Variants in BRMS1L observed in about 807,000 individuals in gnomAD.
BRMS1L encodes breast cancer metastasis-suppressor 1-like protein.
BRMS1L carries 23 observed loss-of-function variants against 50.3 expected under a neutral mutation model. That is an observed-to-expected ratio of 0.46 (90% confidence interval 0.33 to 0.65). BRMS1L has a LOEUF of 0.65. Among genes scored for constraint, BRMS1L ranks in the 30% least tolerant of loss-of-function variants. The pLI is 0.02. For missense variants in BRMS1L, 286 were observed against 386.1 expected (o/e 0.74, Z 2.17); for synonymous variants, 114 against 126.9 (o/e 0.90, Z 0.69).
chr14:35,867,129 G>A (rs1453044432), intron 8 of BRMS1L, among the ~76,000 whole-genome samples: 1 of 152,120 alleles, frequency 6.6e-6, no homozygotes, highest in East Asian at 1.9e-4. Flanking sequence ...ATACCCGATG[G>A]TATTTTAGGC....
chr14:35,869,425 C>G (rs1017382298), intron 9 of BRMS1L, among the ~76,000 whole-genome samples: 2 of 151,916 alleles, frequency 1.3e-5, no homozygotes, highest in Non-Finnish European at 2.9e-5. Context: ...TTAGTCCCAA[C>G]TACTCAGGTT....
chr14:35,827,665 G>A (rs1227226072), intron 1 of BRMS1L, among the ~76,000 whole-genome samples: 2 of 152,138 alleles, frequency 1.3e-5, no homozygotes, highest in African/African-American at 4.8e-5. Context: ...CTCAATATGA[G>A]GGATAAATAG....
intron 4 of BRMS1L, among the ~76,000 whole-genome samples, chr14:35,859,681 G>T (rs758176664): frequency 6.6e-6 from 1 of 152,020 alleles, no homozygotes; most frequent in Non-Finnish European, 1.5e-5. Flanking sequence ...ACAGAGTCTC[G>T]CTCTATTGCC....
chr14:35,834,295 A>C (rs866618403), intron 3 of BRMS1L, among the ~76,000 whole-genome samples: 98 of 152,140 alleles, frequency 6.4e-4, no homozygotes, highest in African/African-American at 2.2e-3. Context: ...AAGTTAAACT[A>C]TCTTGGGTAT....
chr14:35,835,506 A>G (rs907314291), intron 4 of BRMS1L, among the ~76,000 whole-genome samples: 2 of 152,190 alleles, frequency 1.3e-5, no homozygotes, highest in Non-Finnish European at 2.9e-5. Context: ...CATTCCAGTA[A>G]TGGAACACTA....
At chr14:35,857,307 A>G (rs1178494732) in intron 4 of BRMS1L, among the ~76,000 whole-genome samples, 2 of 150,684 alleles carry the variant, frequency 1.3e-5, no homozygotes, top group Admixed American at 6.6e-5. Flanking sequence ...GTGTGTATAT[A>G]TATATATGTT....
At position 35,871,216 on chromosome 14, in the gene BRMS1L, G is replaced by T. The variant is rs998700237; in HGVS notation, c.*739G>T. ...CCTTTAGCGGCAGGTATTTATACCT[G>T]GTATTTATGATGCAGTATATAAGTG... is the stretch of plus-strand genomic sequence containing the variant. On this transcript the variant is annotated 3_prime_UTR_variant, in exon 10 of 10. Coordinates refer to ENST00000216807, the MANE Select transcript of BRMS1L (RefSeq NM_032352.4). 3 of 152,490 alleles carry T rather than the reference G, an allele frequency of 2.0e-5. No homozygotes were observed. The highest frequency in any genetic ancestry group is 4.4e-5 in the Non-Finnish European group (3 of 68,008). The allele number at this position is 152,490 out of a possible 1,614,324, so 9.4% of individuals were successfully genotyped here. A position where few individuals can be genotyped will look rare whatever the true frequency, so the allele number is the denominator to read the frequency against.
chr14:35,865,630 G>A (rs566375034), intron 7 of BRMS1L, 92 bp from the exon 8 acceptor site: 21 of 938,416 alleles, frequency 2.2e-5, no homozygotes, highest in Non-Finnish European at 3.0e-5. Context: ...GGAGTTAATC[G>A]GTAATATTGT....
chr14:35,855,556 A>G (rs1566425671), intron 4 of BRMS1L, among the ~76,000 whole-genome samples: 1 of 152,186 alleles, frequency 6.6e-6, no homozygotes, highest in Non-Finnish European at 1.5e-5. Flanking sequence ...CTTCTCTTCT[A>G]TCATTTTTCA....
At chr14:35,840,965 C>G (rs1051097846) in intron 4 of BRMS1L, among the ~76,000 whole-genome samples, 3 of 152,108 alleles carry the variant, frequency 2.0e-5, no homozygotes, top group African/African-American at 4.8e-5. Flanking sequence ...TTAGCTCTTA[C>G]CCGTTTTCTC....
rs975748695 is a variant in BRMS1L, at chr14:35,833,219, G to T, written c.361+114G>T. 1.4e-5 allele frequency: 15 copies of T among 1,090,018 alleles called. No individual in the cohort carries two copies. The East Asian group carries it at 3.7e-4, about 27-fold the overall frequency. 67.5% of individuals were successfully genotyped at this position (1,090,018 alleles called of 1,614,324 possible). On this transcript the variant is annotated intron_variant, in intron 3 of 9. Coordinates refer to ENST00000216807, the MANE Select transcript of BRMS1L (RefSeq NM_032352.4). Reference sequence around the variant, plus strand: ...ATGGGATTACAAGCATATTTACATCGACCAGAATATTTTACTTTTAGTTAG... The same window carrying T: ...ATGGGATTACAAGCATATTTACATCTACCAGAATATTTTACTTTTAGTTAG...
intron 8 of BRMS1L, 28 bp downstream of exon 8, chr14:35,865,789 T>G: frequency 6.3e-7 from 1 of 1,593,604 alleles, no homozygotes; most frequent in South Asian, 1.1e-5. Context: ...AGTTGGGAAA[T>G]ATTCTCTTTG....
intron 4 of BRMS1L, among the ~76,000 whole-genome samples, chr14:35,858,334 A>T (rs1231995126): frequency 6.6e-6 from 1 of 152,162 alleles, no homozygotes; most frequent in African/African-American, 2.4e-5. Context: ...TTTGGAGGCC[A>T]GCTGCATCTG....
chr14:35,826,806 C>A, intron 1 of BRMS1L, 148 bp downstream of exon 1: 1 of 1,207,108 alleles, frequency 8.3e-7, no homozygotes, highest in Non-Finnish European at 1.1e-6. Flanking sequence ...TGGGCTGCAC[C>A]CTGACCGGTC....
chr14:35,862,731 T>G, intron 5 of BRMS1L, 45 bp downstream of exon 5: 1 of 1,369,854 alleles, frequency 7.3e-7, no homozygotes. Flanking sequence ...GCACCAGACC[T>G]TTGGTTTACT....
chr14:35,831,314 T>C, intron 1 of BRMS1L, 96 bp from the exon 2 acceptor site: 7 of 821,450 alleles, frequency 8.5e-6, no homozygotes, highest in African/African-American at 1.7e-5. Context: ...ATATTACAGT[T>C]TTTCTTCCTA....
At position 35,855,811 on chromosome 14, in the gene BRMS1L, T is replaced by G. The variant is rs187691501; in HGVS notation, c.442-6779T>G. Among the ~76,000 whole-genome samples the G allele has an allele frequency of 2.6e-5, 4 of 152,288 alleles. No homozygotes were observed. In the East Asian group the frequency reaches 7.7e-4, roughly 29 times the overall value. On this transcript the variant is annotated intron_variant, in intron 4 of 9. Transcript: ENST00000216807. ...CTTTAAAATGCTATATATTTTGTAT[T>G]TACTCTGTCATTGTAATCCTTTCAA...
chr14:35,837,658 C>A (rs1318637136), intron 4 of BRMS1L, among the ~76,000 whole-genome samples: 1 of 152,096 alleles, frequency 6.6e-6, no homozygotes, highest in African/African-American at 2.4e-5. Context: ...TCAAGCGATT[C>A]TCCTGCCTCA....
chr14:35,827,538 C>T (rs548431968), intron 1 of BRMS1L, among the ~76,000 whole-genome samples: 10 of 152,154 alleles, frequency 6.6e-5, no homozygotes, highest in Admixed American at 2.6e-4. Flanking sequence ...CACCCAGATG[C>T]CCTCTTTTCA....
Sources: gnomAD v4.1 joint callset for allele counts (sites outside exome capture counted in the v4.1 genomes callset) on GRCh38, gnomAD v4.1.1 for gene constraint, MANE v1.5 for transcripts, NCBI Gene and HGNC (gene_info 2026-07-23, HGNC 2026-07-21) for gene names.